ASIC2: variants seen among roughly 807,000 people sequenced by gnomAD.
ASIC2 encodes acid-sensing ion channel 2.
A neutral mutation model predicts 57.3 loss-of-function variants in ASIC2; 25 were observed. That is an observed-to-expected ratio of 0.44 (90% CI 0.32 to 0.61). The LOEUF is 0.61. ASIC2 is among the 20% of genes least tolerant of loss of function. The pLI is 0.06. For synonymous variants in ASIC2, 319 were observed against 307.5 expected, an observed-to-expected ratio of 1.04 and a Z score of -0.39; for missense variants, 641 against 738.1, an observed-to-expected ratio of 0.87 and a Z score of 1.52.
At chr17:34,084,388 T>C (rs560365707) in intron 1 of ASIC2, among the ~76,000 whole-genome samples, 1 of 152,270 alleles carries the variant, frequency 6.6e-6, no homozygotes, top group Admixed American at 6.5e-5. Flanking sequence ...GGCTCTGTTC[T>C]GTTCCATTGA....
chr17:33,889,420 G>A (rs1674089414), intron 1 of ASIC2, among the ~76,000 whole-genome samples: 1 of 152,116 alleles, frequency 6.6e-6, no homozygotes, highest in African/African-American at 2.4e-5. Flanking sequence ...AGGAGTACCT[G>A]CAATCTCAGA....
At chr17:33,106,273 G>A (rs1017279500) in intron 2 of ASIC2, among the ~76,000 whole-genome samples, 1 of 152,122 alleles carries the variant, frequency 6.6e-6, no homozygotes, top group Admixed American at 6.5e-5. Context: ...TTTACCCCGA[G>A]AACAGCATAG....
intron 1 of ASIC2, among the ~76,000 whole-genome samples, chr17:33,824,979 T>G (rs1019964030): frequency 6.6e-6 from 1 of 152,178 alleles, no homozygotes; most frequent in Non-Finnish European, 1.5e-5. Flanking sequence ...GGGTTGTGGA[T>G]AGCATTGAAC....
chr17:33,882,810 G>A (rs138047517), intron 1 of ASIC2, among the ~76,000 whole-genome samples: 7 of 152,118 alleles, frequency 4.6e-5, no homozygotes, highest in Admixed American at 1.3e-4. Flanking sequence ...ACATGCACAC[G>A]TATGTTTATT....
At chr17:33,531,825 G>C (rs184697992) in intron 1 of ASIC2, among the ~76,000 whole-genome samples, 1 of 152,064 alleles carries the variant, frequency 6.6e-6, no homozygotes, top group South Asian at 2.1e-4. Context: ...GTTGGGAAGC[G>C]TTTCCCTGAC....
At chr17:33,088,701 C>T (rs1439558892) in intron 3 of ASIC2, among the ~76,000 whole-genome samples, 162 bp downstream of exon 3, 1 of 152,172 alleles carries the variant, frequency 6.6e-6, no homozygotes, top group Non-Finnish European at 1.5e-5. Flanking sequence ...TAGGGAACAA[C>T]AGGTGGTACA....
chr17:33,538,509 G>A (rs1250202504), intron 1 of ASIC2, among the ~76,000 whole-genome samples: 1 of 152,174 alleles, frequency 6.6e-6, no homozygotes, highest in Non-Finnish European at 1.5e-5. Flanking sequence ...GAGGGATGCA[G>A]TGGGGACTTA....
At chr17:33,926,924 A>G (rs1462629121) in intron 1 of ASIC2, among the ~76,000 whole-genome samples, 1 of 151,930 alleles carries the variant, frequency 6.6e-6, no homozygotes, top group Non-Finnish European at 1.5e-5. Context: ...GTGCTCAAAA[A>G]GTTTTGGATT....
intron 1 of ASIC2, among the ~76,000 whole-genome samples, chr17:33,173,315 T>C (rs1356095126): frequency 6.6e-6 from 1 of 152,112 alleles, no homozygotes; most frequent in Non-Finnish European, 1.5e-5. Context: ...TGAATGTGTA[T>C]GGAACAGCAC....
intron 1 of ASIC2, among the ~76,000 whole-genome samples, chr17:34,099,782 G>A (rs542840783): frequency 2.1e-5 from 1 of 48,274 alleles, no homozygotes; most frequent in African/African-American, 6.7e-5. Context: ...AAGAAAGAAA[G>A]AAAGAAAGAA....
chr17:33,070,790 TG>T (rs1183046153), intron 3 of ASIC2, among the ~76,000 whole-genome samples: 1 of 152,208 alleles, frequency 6.6e-6, no homozygotes, highest in Non-Finnish European at 1.5e-5. Context: ...ATAGATATGC[TG>T]GAGTAAGGAT....
intron 1 of ASIC2, among the ~76,000 whole-genome samples, chr17:33,327,219 C>T (rs1261092262): frequency 6.6e-6 from 1 of 152,194 alleles, no homozygotes; most frequent in Non-Finnish European, 1.5e-5. Context: ...CAATTATCTT[C>T]CCATTTCTTC....
chr17:33,637,155 C>T (rs1218661861), intron 1 of ASIC2, among the ~76,000 whole-genome samples: 1 of 152,004 alleles, frequency 6.6e-6, no homozygotes, highest in Non-Finnish European at 1.5e-5. Flanking sequence ...AATGATGCAG[C>T]TAGAAGCAGA....
chr17:33,478,920 G>A (rs1913314589), intron 1 of ASIC2, among the ~76,000 whole-genome samples: 1 of 152,218 alleles, frequency 6.6e-6, no homozygotes, highest in Admixed American at 6.5e-5. Flanking sequence ...AAACTTTCAT[G>A]TTCAGGTTGC....
intron 1 of ASIC2, among the ~76,000 whole-genome samples, chr17:34,027,596 T>C (rs1907427860): frequency 6.6e-6 from 1 of 152,234 alleles, no homozygotes; most frequent in South Asian, 2.1e-4. Context: ...ACAACTTCTT[T>C]TGTACACTGC....
chr17:33,113,510 A>G (rs978641854), intron 1 of ASIC2, among the ~76,000 whole-genome samples: 1 of 152,218 alleles, frequency 6.6e-6, no homozygotes, highest in Admixed American at 6.5e-5. Context: ...TTTCCTGAGC[A>G]TGCTCCACTG....
intron 1 of ASIC2, among the ~76,000 whole-genome samples, chr17:33,203,757 C>A (rs1301778428): frequency 1.3e-5 from 2 of 152,208 alleles, no homozygotes; most frequent in African/African-American, 4.8e-5. Flanking sequence ...ATAGGGTGAG[C>A]ACACTGGAGT....
chr17:33,953,623 A>T lies in ASIC2; in HGVS notation c.555+202355T>A, dbSNP rs76015279. 5.5e-3 allele frequency among the ~76,000 whole-genome samples: 843 copies of T among 152,300 alleles called. 10 individuals carry two copies. The highest frequency in any genetic ancestry group is 0.018 in the African/African-American group (762 of 41,554). On this transcript the variant is annotated intron_variant, in intron 1 of 9. Transcript: ENST00000359872. ...TATAAACCCTGTCAAAAAATAAAAA[A>T]TCTCAAAGAAGGATGAAGTGCTTTC...
intron 1 of ASIC2, among the ~76,000 whole-genome samples, chr17:34,060,911 C>T (rs186144369): frequency 1.5e-3 from 231 of 152,142 alleles, no homozygotes; most frequent in Non-Finnish European, 2.9e-3. Flanking sequence ...ATCTAAAAGA[C>T]TGGAAATATA....
Sources: gnomAD v4.1 joint callset for allele counts (sites outside exome capture counted in the v4.1 genomes callset) on GRCh38, gnomAD v4.1.1 for gene constraint, MANE v1.5 for transcripts, NCBI Gene and HGNC (gene_info 2026-07-23, HGNC 2026-07-21) for gene names.